IL1RL1: variants seen among roughly 807,000 people sequenced by gnomAD.
IL1RL1 encodes interleukin 1 receptor like 1.
IL1RL1 carries 32 observed loss-of-function variants against 50.9 expected under a neutral mutation model. The observed-to-expected ratio is 0.63, with a 90% CI of 0.47 to 0.84. The LOEUF (loss-of-function observed/expected upper bound fraction) is 0.84, where lower values mean the gene tolerates loss of function less well. Among genes scored for constraint, IL1RL1 ranks in the 40% least tolerant of loss-of-function variants. IL1RL1 has a pLI of 0.00. For missense variants in IL1RL1, 773 were observed against 662.9 expected, an observed-to-expected ratio of 1.17 and a Z score of -1.82; for synonymous variants, 275 against 236.0, an observed-to-expected ratio of 1.17 and a Z score of -1.51.
intron 1 of IL1RL1, among the ~76,000 whole-genome samples, chr2:102,333,713 G>T (rs1033886980): frequency 4.6e-5 from 7 of 152,070 alleles, no homozygotes; most frequent in Non-Finnish European, 1.0e-4. Context: ...GTACCCAGTA[G>T]GTAATTTTTC....
At chr2:102,324,363 C>T (rs1286031526) in intron 1 of IL1RL1, among the ~76,000 whole-genome samples, 2 of 152,068 alleles carry the variant, frequency 1.3e-5, no homozygotes, top group East Asian at 1.9e-4. Context: ...AATAGAATCT[C>T]GATATTGTGG....
In IL1RL1 at chr2:102,312,281, T is replaced by C. The variant is rs533912690; in HGVS notation, c.-150+658T>C. 2.7e-5 allele frequency among the ~76,000 whole-genome samples: 4 copies of C among 148,186 alleles called. No homozygotes were observed. In the East Asian group the frequency reaches 7.9e-4, roughly 29 times the overall value. On this transcript the variant is annotated intron_variant, in intron 1 of 10. Coordinates refer to ENST00000233954, the MANE Select transcript of IL1RL1 (RefSeq NM_016232.5). ...GAAGGGCCTATAATATAATATATAA[T>C]GTAATATATATAACATTATAACAAT...
intron 1 of IL1RL1, among the ~76,000 whole-genome samples, chr2:102,323,278 G>A (rs1417358822): frequency 0.033 from 1,565 of 47,770 alleles, 34 homozygotes; most frequent in African/African-American, 0.11. Flanking sequence ...TATATAGTGT[G>A]TGTGTGTGTG....
chr2:102,313,836 T>TGTGTGCGTGCGCTTGC (rs1676592608), intron 1 of IL1RL1, among the ~76,000 whole-genome samples: 1 of 152,180 alleles, frequency 6.6e-6, no homozygotes, highest in Non-Finnish European at 1.5e-5. Flanking sequence ...CGAGTGTGTG[T>TGTGTGCGTGCGCTTGC]GTGTGCGTGC....
intron 1 of IL1RL1, among the ~76,000 whole-genome samples, chr2:102,316,511 A>G (rs886127600): frequency 1.3e-5 from 2 of 152,192 alleles, no homozygotes; most frequent in African/African-American, 4.8e-5. Flanking sequence ...GAAGGGGAGA[A>G]CAAGGTAGAT....
At chr2:102,334,496 C>G (rs976035945) in intron 1 of IL1RL1, among the ~76,000 whole-genome samples, 2 of 151,936 alleles carry the variant, frequency 1.3e-5, no homozygotes, top group African/African-American at 4.8e-5. Context: ...CTTGTTCTGC[C>G]CCATCCACTG....
chr2:102,323,227 C>A (rs1301120725), intron 1 of IL1RL1, among the ~76,000 whole-genome samples: 1 of 137,600 alleles, frequency 7.3e-6, no homozygotes, highest in Non-Finnish European at 1.5e-5. Context: ...AGTAGATGTT[C>A]TTTAACTTTT....
chr2:102,324,592 C>T (rs1204608923), intron 1 of IL1RL1, among the ~76,000 whole-genome samples: 1 of 152,174 alleles, frequency 6.6e-6, no homozygotes, highest in Non-Finnish European at 1.5e-5. Context: ...CAGGGAATTC[C>T]CTTTCCTAGT....
At chr2:102,345,837 TG>T in intron 8 of IL1RL1, 2 of 985,444 alleles carry the variant, frequency 2.0e-6, no homozygotes, top group Non-Finnish European at 2.4e-6. Context: ...GGGCCATGCT[TG>T]GGGTGGTGGT....
intron 1 of IL1RL1, among the ~76,000 whole-genome samples, chr2:102,323,134 G>C (rs1272153708): frequency 6.6e-6 from 1 of 151,446 alleles, no homozygotes; most frequent in East Asian, 1.9e-4. Flanking sequence ...TATGAGTATG[G>C]CATTTATGAA....
intron 1 of IL1RL1, 109 bp from the exon 2 acceptor site, chr2:102,338,007 C>A (rs962168906): frequency 1.1e-5 from 3 of 279,046 alleles, no homozygotes; most frequent in Non-Finnish European, 2.0e-5. Flanking sequence ...CATCTCTTTG[C>A]ACTTAATAAA....
chr2:102,324,723 G>A (rs1006166336), intron 1 of IL1RL1, among the ~76,000 whole-genome samples: 1 of 152,230 alleles, frequency 6.6e-6, no homozygotes, highest in African/African-American at 2.4e-5. Context: ...CTGGCTTGGA[G>A]GGTCCTACAC....
At chr2:102,314,384 G>T (rs1338626269) in intron 1 of IL1RL1, among the ~76,000 whole-genome samples, 1 of 152,214 alleles carries the variant, frequency 6.6e-6, no homozygotes, top group Non-Finnish European at 1.5e-5. Context: ...CTGTGGGATT[G>T]GCTCTGGAGT....
At chr2:102,326,239 A>G (rs1385698938) in intron 1 of IL1RL1, among the ~76,000 whole-genome samples, 8 of 152,344 alleles carry the variant, frequency 5.3e-5, no homozygotes, top group South Asian at 2.1e-4. Flanking sequence ...AGAATTTCAT[A>G]TCTAGCCAAA....
Position 102,340,759 on chromosome 2 carries a change from T to C in IL1RL1, c.541T>C (p.Cys181Arg). ...VMTEDAGDYT[C>R]KFIHNENGAN... is the part of the protein sequence containing the mutation. ...GACTGAGGACGCAGGTGATTACACCTGTAAATTTATACACAATGAAAATGG... is the reference window on the plus strand; with the variant it reads ...GACTGAGGACGCAGGTGATTACACCCGTAAATTTATACACAATGAAAATGG... The change falls in exon 5 of 11, where the codon TGT (cysteine) becomes CGT (arginine). Residue 181 changes from cysteine to arginine, a missense_variant. Transcript: ENST00000233954. The C allele has an allele frequency of 1.3e-6, 2 of 1,595,786 alleles. No homozygotes were observed. Among genetic ancestry groups the C allele is most frequent in the Non-Finnish European group, 1.7e-6 (2 of 1,174,698 alleles).
At chr2:102,312,016 A>ATATATATT (rs1559592271) in intron 1 of IL1RL1, among the ~76,000 whole-genome samples, 1 of 33,032 alleles carries the variant, frequency 3.0e-5, no homozygotes, top group South Asian at 6.2e-4. Context: ...TATATATTAT[A>ATATATATT]TATAATATAT....
chr2:102,338,919 G>T lies in IL1RL1; in HGVS notation c.144G>T (p.Trp48Cys). Residue 48 changes from tryptophan to cysteine, a missense_variant, in exon 3 of 11, where the codon TGG becomes TGT. Transcript: ENST00000233954. ...RQGKPSYTVD[W>C]YYSQTNKSIP... ...GAAAACCTAGTTACACCGTGGATTG[G>T]TATTACTCACAAACAAACAAAAGTA... The T allele has an allele frequency of 1.2e-6, 2 of 1,613,806 alleles. No individual in the cohort carries two copies. Among genetic ancestry groups the T allele is most frequent in the African/African-American group, 1.3e-5 (1 of 75,024 alleles).
intron 10 of IL1RL1, among the ~76,000 whole-genome samples, chr2:102,350,090 G>A (rs1444341473): frequency 1.1e-5 from 1 of 90,860 alleles, no homozygotes; most frequent in African/African-American, 6.4e-5. Flanking sequence ...AACGGCTCAA[G>A]AGACTTGTGA....
chr2:102,321,570 C>T (rs948595671), intron 1 of IL1RL1, among the ~76,000 whole-genome samples: 7 of 152,124 alleles, frequency 4.6e-5, no homozygotes, highest in East Asian at 1.9e-4. Context: ...CCACTGCCCC[C>T]GACCCTCCTG....
Sources: gnomAD v4.1 joint callset for allele counts (sites outside exome capture counted in the v4.1 genomes callset) on GRCh38, gnomAD v4.1.1 for gene constraint, MANE v1.5 for transcripts, NCBI Gene and HGNC (gene_info 2026-07-23, HGNC 2026-07-21) for gene names.